The following MYH8 variants were observed in gnomAD, a reference collection of about 807,000 sequenced individuals.
MYH8 encodes the protein myosin-8.
In MYH8, 168 loss-of-function variants were observed where a neutral mutation model predicts 233.2. That is an observed-to-expected ratio of 0.72 (90% CI 0.64 to 0.82). The LOEUF (loss-of-function observed/expected upper bound fraction) is 0.82, where lower values mean the gene tolerates loss of function less well. Among genes scored for constraint, MYH8 ranks in the 40% least tolerant of loss-of-function variants. The probability of loss-of-function intolerance (pLI) is 0.00; values close to 1 mark genes in which losing one functional copy is unlikely to be tolerated. For missense variants in MYH8, 1,995 were observed against 2,327.8 expected (o/e 0.86, Z 2.94); for synonymous variants, 785 against 850.6 (o/e 0.92, Z 1.34).
rs761955318 is a variant in MYH8 at position 10,409,590 on chromosome 17, T to A, written c.1588-2A>T. 1.9e-6 allele frequency: 3 copies of A among 1,614,178 alleles called. No homozygotes were observed. The highest frequency in any genetic ancestry group is 2.5e-6 in the Non-Finnish European group (3 of 1,180,004). On this transcript the variant is annotated splice_acceptor_variant, in intron 15 of 39. Coordinates refer to ENST00000403437, the MANE Select transcript of MYH8 (RefSeq NM_002472.3). LOFTEE classifies it high-confidence loss of function. ...CAGGATGGAGAAGATGCCCAGTGGC[T>A]GAATTCAGAAAAGTAACATTGGTGT...
chr17:10,400,288 A>T lies in MYH8; in HGVS notation c.3735+102T>A, dbSNP rs534929446. 1.6e-5 allele frequency: 22 copies of T among 1,402,562 alleles called. No homozygotes were observed. The highest frequency in any genetic ancestry group is 2.0e-5 in the Non-Finnish European group (20 of 999,952). The allele number at this position is 1,402,562 out of a possible 1,614,324, so 86.9% of individuals were successfully genotyped here. The stretch of plus-strand genomic sequence containing the variant: ...AATGGGATATATTTGGTTAGAAAAT[A>T]TTTGAGTAGTGCTGTAAAATGCCTG... On this transcript the variant is annotated intron_variant, in intron 27 of 39. Coordinates refer to ENST00000403437, the MANE Select transcript of MYH8 (RefSeq NM_002472.3). The surrounding 1 kb of genome is among the most constrained non-coding windows in gnomAD (Gnocchi z 4.0).
intron 34 of MYH8, among the ~76,000 whole-genome samples, 173 bp from the exon 35 acceptor site, chr17:10,394,625 G>C (rs1317920011): frequency 6.6e-6 from 1 of 152,190 alleles, no homozygotes; most frequent in Non-Finnish European, 1.5e-5. Context: ...GAATTATCAG[G>C]AGACATAGAT....
Position 10,400,227 on chromosome 17 carries a change from A to AATCGATC in MYH8, c.3735+156_3735+162dup, listed in dbSNP as rs1387403756. ...CCCCGCTCCAAAAAAAAATCATCTT[A>AATCGATC]ATCGATCATAACCAGCATTTTAAAA... On this transcript the variant is annotated intron_variant, in intron 27 of 39. Coordinates refer to ENST00000403437, the MANE Select transcript of MYH8 (RefSeq NM_002472.3). The surrounding 1 kb of genome is among the most constrained non-coding windows in gnomAD (Gnocchi z 4.0). Among the ~76,000 whole-genome samples, 3 of 152,130 alleles carry AATCGATC rather than the reference A, an allele frequency of 2.0e-5. No homozygotes were observed. Among genetic ancestry groups the AATCGATC allele is most frequent in the Admixed American group, 6.5e-5 (1 of 15,272 alleles).
At chr17:10,401,490 C>G (rs1347504199) in intron 23 of MYH8, 39 bp from the exon 24 acceptor site, 2 of 1,613,968 alleles carry the variant, frequency 1.2e-6, no homozygotes, top group Non-Finnish European at 1.7e-6. Flanking sequence ...TCCTATAAAG[C>G]AATTTAGTTG....
Position 10,404,750 on chromosome 17 carries a change from CAT to C in MYH8, c.2433-167_2433-166del, listed in dbSNP as rs1491314075. Reference sequence around the variant, plus strand: ...TTACACACACACACACACACACACACATGTACACACATTCTCGCGCTCACACT... The same window carrying C: ...TTACACACACACACACACACACACACGTACACACATTCTCGCGCTCACACT... On this transcript the variant is annotated intron_variant, in intron 21 of 39. Transcript: ENST00000403437. Among the ~76,000 whole-genome samples the C allele has an allele frequency of 2.7e-3, 383 of 143,150 alleles. 1 individual carries two copies. The highest frequency in any genetic ancestry group is 7.1e-3 in the African/African-American group (277 of 39,162). The allele number at this position is 143,150 out of a possible 152,430, so 93.9% of individuals were successfully genotyped here. A position where few individuals can be genotyped will look rare whatever the true frequency, so the allele number is the denominator to read the frequency against.
rs1461072775 is a variant in MYH8 at position 10,400,391 on chromosome 17, T to G, written c.3734A>C (p.Lys1245Thr). The G allele has an allele frequency of 1.2e-6, 2 of 1,612,524 alleles. No homozygotes were observed. The highest frequency in any genetic ancestry group is 1.7e-6 in the Non-Finnish European group (2 of 1,179,910). Residue 1245 changes from lysine to threonine, a missense_variant and splice_region_variant, in exon 27 of 40, where the codon AAG becomes ACG. Physicochemically the swap from Lys to Thr is moderately conservative, Grantham distance 78 (BLOSUM62 -1). This residue lies in a region of MYH8 where 1,498 missense variants were observed against 1,680.9 expected (regional missense o/e 0.89). Transcript: ENST00000403437. This position sits in a 1 kb window ranked among gnomAD's most constrained non-coding sequence, Gnocchi z 4.0. ...TCATTTAGAGACAGTATTGGGTACC[T>G]TGGCTTTGGAAATGGCCTCTGCGTT... Reference protein sequence around the residue: ...SSNAEAISKAKGNLEKMCRSL... With the variant: ...SSNAEAISKATGNLEKMCRSL...
Position 10,415,341 on chromosome 17 carries a change from T to C in MYH8, c.692A>G (p.Glu231Gly). The change falls in exon 8 of 40, where the codon GAG becomes GGG. Residue 231 changes from glutamate (E) to glycine (G), a missense_variant. This residue lies in a region of MYH8 where 479 missense variants were observed against 600.9 expected (regional missense o/e 0.80). Transcript: ENST00000403437. The surrounding 1 kb of genome is among the most constrained non-coding windows in gnomAD (Gnocchi z 4.1). Reference sequence around the variant, plus strand: ...CACAGTTTTGGCATTGCCAAAGGCCTCCAGTAGGGGATTGGCGCTGATGAT... The same window carrying C: ...CACAGTTTTGGCATTGCCAAAGGCCCCCAGTAGGGGATTGGCGCTGATGAT... ...DQIISANPLL[E>G]AFGNAKTVRN... 6.2e-7 allele frequency: 1 copy of C among 1,614,150 alleles called. No homozygotes were observed. The highest frequency in any genetic ancestry group is 1.1e-5 in the South Asian group (1 of 91,084).
Position 10,419,022 on chromosome 17 carries a change from AGTTAG to A in MYH8, c.214_218del (p.Leu72CysfsTer15). The A allele has an allele frequency of 6.2e-7, 1 of 1,614,096 alleles. No individual in the cohort carries two copies. The highest frequency in any genetic ancestry group is 1.1e-5 in the South Asian group (1 of 91,078). ...TAGGGAAGACTTGGTCTTCCCTGAC[AGTTAG>A]AGTCTGGTGAGTAAGCAAGAAACCA... On this transcript the variant is annotated frameshift_variant, in exon 4 of 40. Transcript: ENST00000403437. LOFTEE classifies it high-confidence loss of function. The surrounding 1 kb of genome is among the most constrained non-coding windows in gnomAD (Gnocchi z 4.0).
At chr17:10,394,185 C>A in intron 35 of MYH8, 64 bp downstream of exon 35, 1 of 1,599,350 alleles carries the variant, frequency 6.3e-7, no homozygotes, top group Non-Finnish European at 8.6e-7. Context: ...TGAGTACTTT[C>A]ATGTTATAAT....
rs761474736 is a variant in MYH8 at position 10,401,649 on chromosome 17, T to C, written c.2825A>G (p.Lys942Arg). The C allele has an allele frequency of 6.2e-6, 10 of 1,614,170 alleles. No individual in the cohort carries two copies. Among genetic ancestry groups the C allele is most frequent in the Non-Finnish European group, 8.5e-6 (10 of 1,180,028 alleles). ...EEEINAELTA[K>R]KRKLEDECSE... ...ACATTCATCCTCCAGTTTTCTCTTCTTGGCTGTCAGCTCAGCATTGATCTC... is the reference window on the plus strand; with the variant it reads ...ACATTCATCCTCCAGTTTTCTCTTCCTGGCTGTCAGCTCAGCATTGATCTC... The change falls in exon 23 of 40, where the codon AAG (lysine) becomes AGG (arginine). Residue 942 changes from lysine (K) to arginine (R), a missense_variant. By Grantham distance (26) the Lys-to-Arg change is conservative. This residue lies in a region of MYH8 where 1,498 missense variants were observed against 1,680.9 expected (regional missense o/e 0.89). Coordinates refer to ENST00000403437, the MANE Select transcript of MYH8 (RefSeq NM_002472.3).
intron 22 of MYH8, among the ~76,000 whole-genome samples, chr17:10,402,711 A>G (rs942802833): frequency 1.3e-5 from 2 of 152,192 alleles, no homozygotes; most frequent in African/African-American, 4.8e-5. Context: ...TCCTAAGGAC[A>G]TGAACATTCT....
In MYH8 at chr17:10,409,398, A is replaced by T; in HGVS notation, c.1778T>A (p.Ile593Asn). The T allele has an allele frequency of 1.9e-6, 3 of 1,614,192 alleles. No individual in the cohort carries two copies. Among genetic ancestry groups the T allele is most frequent in the Non-Finnish European group, 2.5e-6 (3 of 1,180,036 alleles). The change falls in exon 16 of 40, where the codon ATT becomes AAT. Residue 593 changes from isoleucine (I) to asparagine (N), a missense_variant. Physicochemically the swap from Ile to Asn is moderately radical, Grantham distance 149. Transcript: ENST00000403437. ...CTTATTTTTGTCCAGCCAGCCAGTA[A>T]TGTTGTAGTCCACAGTGCCAGCATA... ...IHYAGTVDYN[I>N]TGWLDKNKDP...
In MYH8 at chr17:10,415,159, G is replaced by A; in HGVS notation, c.762C>T (p.His254=). Residue 254 remains histidine, a synonymous_variant, in exon 9 of 40, where the codon CAC becomes CAT. Transcript: ENST00000403437. The surrounding 1 kb of genome is among the most constrained non-coding windows in gnomAD (Gnocchi z 4.1). ...SSRFGKFIRI[H]FGTTGKLASA... is the part of the protein sequence containing the mutation. Reference sequence around the variant, plus strand: ...ATGCCAGCTTCCCTGTAGTACCAAAGTGGATTCTAATGAATTTACCCTTGA... The same window carrying A: ...ATGCCAGCTTCCCTGTAGTACCAAAATGGATTCTAATGAATTTACCCTTGA... The A allele has an allele frequency of 6.2e-7, 1 of 1,613,368 alleles. No homozygotes were observed. Among genetic ancestry groups the A allele is most frequent in the African/African-American group, 1.3e-5 (1 of 75,030 alleles).
Position 10,412,439 on chromosome 17 carries a change from C to T in MYH8, c.1347G>A (p.Gln449=), listed in dbSNP as rs375479818. The change falls in exon 14 of 40, where the codon CAG becomes CAA. Residue 449 remains glutamine, a synonymous_variant. Transcript: ENST00000403437. The stretch of plus-strand genomic sequence containing the variant: ...ACTGCCTGGGCTGCTTGGTGTCCAG[C>T]TGCTGGTTGATGCGGGTGACCATCC... ...FLWMVTRINQ[Q]LDTKQPRQYF... is the part of the protein sequence containing the mutation. 1 of 1,614,142 alleles carries T rather than the reference C, an allele frequency of 6.2e-7. No individual in the cohort carries two copies. Among genetic ancestry groups the T allele is most frequent in the African/African-American group, 1.3e-5 (1 of 74,952 alleles).
chr17:10,398,584 C>T lies in MYH8; in HGVS notation c.4038G>A (p.Leu1346=). 1 of 1,614,216 alleles carries T rather than the reference C, an allele frequency of 6.2e-7. No homozygotes were observed. Among genetic ancestry groups the T allele is most frequent in the Non-Finnish European group, 8.5e-7 (1 of 1,180,024 alleles). The change falls in exon 30 of 40, where the codon CTG becomes CTA. Residue 1346 remains leucine, a synonymous_variant. Coordinates refer to ENST00000403437, the MANE Select transcript of MYH8 (RefSeq NM_002472.3). ...LQSSRHDCDL[L]REQYEEEQEG... is the part of the protein sequence containing the mutation. Reference sequence around the variant, plus strand: ...CCTGCTCTTCCTCATACTGTTCCCGCAGCAGGTCGCAGTCATGGCGGGAGG... The same window carrying T: ...CCTGCTCTTCCTCATACTGTTCCCGTAGCAGGTCGCAGTCATGGCGGGAGG...
At position 10,400,419 on chromosome 17, in the gene MYH8, T is replaced by A; in HGVS notation, c.3706A>T (p.Ser1236Cys). Residue 1236 changes from serine (S) to cysteine (C), a missense_variant, in exon 27 of 40, where the codon AGT becomes TGT. Coordinates refer to ENST00000403437, the MANE Select transcript of MYH8 (RefSeq NM_002472.3). The surrounding 1 kb of genome is among the most constrained non-coding windows in gnomAD (Gnocchi z 4.0). ...ELKMETDDLS[S>C]NAEAISKAKG... ...GCTTTGGAAATGGCCTCTGCGTTAC[T>A]GCTGAGGTCATCAGTCTCCATCTTC... The A allele has an allele frequency of 6.2e-7, 1 of 1,613,908 alleles. No homozygotes were observed. Among genetic ancestry groups the A allele is most frequent in the South Asian group, 1.1e-5 (1 of 91,070 alleles).
chr17:10,398,214 A>T (rs1036017010), intron 30 of MYH8, among the ~76,000 whole-genome samples: 4 of 152,238 alleles, frequency 2.6e-5, no homozygotes, highest in Admixed American at 2.0e-4. Flanking sequence ...GTTGGTTAAC[A>T]ACTTACAGCC....
rs148900445 is a variant in MYH8 at position 10,400,510 on chromosome 17, C to T, written c.3615G>A (p.Glu1205=). The T allele has an allele frequency of 1.5e-5, 24 of 1,614,234 alleles. No individual in the cohort carries two copies. In the African/African-American group the frequency reaches 2.5e-4, roughly 17 times the overall value. The change falls in exon 27 of 40, where the codon GAG becomes GAA. Residue 1205 remains glutamate (E), a synonymous_variant. Coordinates refer to ENST00000403437, the MANE Select transcript of MYH8 (RefSeq NM_002472.3). The surrounding 1 kb of genome is among the most constrained non-coding windows in gnomAD (Gnocchi z 4.0). ...LRKKHADSMA[E]LGEQIDNLQR... Reference sequence around the variant, plus strand: ...GCAAGTTGTCAATCTGCTCCCCAAGCTCAGCCATACTGTCTGCGTGCTTCT... The same window carrying T: ...GCAAGTTGTCAATCTGCTCCCCAAGTTCAGCCATACTGTCTGCGTGCTTCT...
chr17:10,399,583 A>T lies in MYH8; in HGVS notation c.3822T>A (p.Asn1274Lys), dbSNP rs184089245. ...GGCGCGCTCTCTGTGCTGTGAGGTC[A>T]TTGATCAGCCGCTGCTGCTCCTCTT... ...TKEEEQQRLI[N>K]DLTAQRARLQ... Residue 1274 changes from asparagine (N) to lysine (K), a missense_variant, in exon 28 of 40, where the codon AAT (asparagine) becomes AAA (lysine). Asn to Lys is a moderately conservative substitution (Grantham distance 94). Transcript: ENST00000403437. 5 of 1,614,042 alleles carry T rather than the reference A, an allele frequency of 3.1e-6. No individual in the cohort carries two copies. In the African/African-American group the frequency reaches 6.7e-5, roughly 22 times the overall value.
Sources: allele counts gnomAD v4.1 joint callset (sites outside exome capture counted in the v4.1 genomes callset), GRCh38; gene constraint gnomAD v4.1.1; regional missense constraint gnomAD v4.1.1; non-coding constraint Gnocchi (gnomAD v3.1); transcripts MANE v1.5; gene names NCBI Gene and HGNC (gene_info 2026-07-23, HGNC 2026-07-21).